The following THSD7B variants were observed in gnomAD, a reference collection of about 807,000 sequenced individuals.
THSD7B encodes the protein thrombospondin type-1 domain-containing protein 7B.
In THSD7B, 138 loss-of-function variants were observed where a neutral mutation model predicts 213.6. The ratio of observed to expected loss-of-function variants is 0.65; its 90% CI spans 0.56 to 0.74. The LOEUF (loss-of-function observed/expected upper bound fraction) is 0.74. Ranked by LOEUF, THSD7B falls within the 30% of genes least tolerant of loss-of-function variation. The pLI is 0.00. For synonymous variants in THSD7B, 742 were observed against 687.0 expected, an observed-to-expected ratio of 1.08 and a Z score of -1.25; for missense variants, 1,931 against 1,991.5, an observed-to-expected ratio of 0.97 and a Z score of 0.58.
intron 7 of THSD7B, among the ~76,000 whole-genome samples, chr2:137,223,891 G>C (rs1277699173): frequency 3.3e-5 from 5 of 152,080 alleles, no homozygotes; most frequent in Non-Finnish European, 7.4e-5. Context: ...AAAGTGTGCA[G>C]TATCCTCCCA....
At chr2:137,309,145 T>G (rs1683827542) in intron 12 of THSD7B, among the ~76,000 whole-genome samples, 1 of 152,054 alleles carries the variant, frequency 6.6e-6, no homozygotes, top group Admixed American at 6.5e-5. Flanking sequence ...CTTCATTCCT[T>G]TAGCTAATGC....
chr2:137,004,296 T>TACAC (rs34674642), intron 2 of THSD7B, among the ~76,000 whole-genome samples: 13,050 of 131,322 alleles, frequency 0.099, 879 homozygotes, highest in Non-Finnish European at 0.14. Context: ...TGTGCACACG[T>TACAC]ACACACACAC....
rs567922764 is a variant in THSD7B, at chr2:137,487,039, C to T, written c.3138+36016C>T. Among the ~76,000 whole-genome samples the T allele has an allele frequency of 4.0e-5, 6 of 150,996 alleles. No individual in the cohort carries two copies. In the East Asian group the frequency reaches 5.9e-4, roughly 15 times the overall value. ...AGCACTGAATGCCCACAAGAGAAAGCAGAAAAGATCCAAAATTGACACCCT... is the reference window on the plus strand; with the variant it reads ...AGCACTGAATGCCCACAAGAGAAAGTAGAAAAGATCCAAAATTGACACCCT... On this transcript the variant is annotated intron_variant, in intron 15 of 27. Coordinates refer to ENST00000409968, the MANE Select transcript of THSD7B (RefSeq NM_001316349.2).
chr2:137,415,702 C>T (rs1160176374), intron 14 of THSD7B, among the ~76,000 whole-genome samples: 17 of 68,498 alleles, frequency 2.5e-4, no homozygotes, highest in Non-Finnish European at 4.8e-4. Context: ...AAGAACAGGA[C>T]AAAAAAGTAC....
intron 7 of THSD7B, among the ~76,000 whole-genome samples, chr2:137,171,413 T>A (rs1181107179): frequency 2.6e-5 from 4 of 152,218 alleles, no homozygotes; most frequent in Admixed American, 2.6e-4. Context: ...GAATCAGCTA[T>A]AGACACAATA....
chr2:137,257,812 C>G (rs769860144), intron 10 of THSD7B, among the ~76,000 whole-genome samples: 11 of 152,078 alleles, frequency 7.2e-5, no homozygotes, highest in Non-Finnish European at 1.5e-4. Context: ...GAAATAGGAC[C>G]AGGGAGAGGT....
intron 12 of THSD7B, among the ~76,000 whole-genome samples, chr2:137,278,730 A>C (rs1682930368): frequency 6.6e-6 from 1 of 152,138 alleles, no homozygotes; most frequent in African/African-American, 2.4e-5. Flanking sequence ...ATGTCTTAAC[A>C]TTAACAATAG....
intron 12 of THSD7B, among the ~76,000 whole-genome samples, chr2:137,317,554 A>G (rs1023994897): frequency 5.9e-5 from 9 of 152,232 alleles, no homozygotes; most frequent in Admixed American, 1.3e-4. Context: ...AATTTCTCAG[A>G]TAGTTTCAAC....
rs73958370 is a variant in THSD7B at position 137,133,477 on chromosome 2, C to T, written c.1369+18184C>T. ...ATAGTGGTTCTCATATTTCAATGAG[C>T]ATGTAAATTACCCAGGGATTTTTTT... On this transcript the variant is annotated intron_variant, in intron 5 of 27. Coordinates refer to ENST00000409968, the MANE Select transcript of THSD7B (RefSeq NM_001316349.2). Among the ~76,000 whole-genome samples, 637 of 152,210 alleles carry T rather than the reference C, an allele frequency of 4.2e-3. 3 individuals carry two copies. Among genetic ancestry groups the T allele is most frequent in the African/African-American group, 0.015 (611 of 41,530 alleles).
intron 7 of THSD7B, among the ~76,000 whole-genome samples, chr2:137,188,840 G>C (rs537336104): frequency 6.6e-6 from 1 of 152,210 alleles, no homozygotes; most frequent in Admixed American, 6.5e-5. Context: ...ATGGATATTA[G>C]CCATACCAGG....
At chr2:137,069,016 T>C (rs1475960013) in intron 3 of THSD7B, among the ~76,000 whole-genome samples, 2 of 152,058 alleles carry the variant, frequency 1.3e-5, no homozygotes, top group Non-Finnish European at 2.9e-5. Context: ...TTTTCACAGT[T>C]ATATTTGCAA....
intron 2 of THSD7B, among the ~76,000 whole-genome samples, chr2:136,982,750 A>G (rs994690123): frequency 6.6e-6 from 1 of 152,154 alleles, no homozygotes; most frequent in Non-Finnish European, 1.5e-5. Context: ...CTTGGGCTGG[A>G]TACATGGTTC....
intron 5 of THSD7B, among the ~76,000 whole-genome samples, chr2:137,127,679 G>A (rs1315964128): frequency 6.6e-6 from 1 of 152,142 alleles, no homozygotes; most frequent in Non-Finnish European, 1.5e-5. Context: ...CACTTTGATA[G>A]GCTGAGGTGG....
intron 2 of THSD7B, among the ~76,000 whole-genome samples, chr2:136,905,487 T>C (rs1684144223): frequency 6.6e-6 from 1 of 152,236 alleles, no homozygotes; most frequent in South Asian, 2.1e-4. Flanking sequence ...ATAATAGCTA[T>C]GTATACTAAA....
intron 20 of THSD7B, among the ~76,000 whole-genome samples, chr2:137,636,170 C>T (rs1018970616): frequency 5.9e-5 from 9 of 152,168 alleles, no homozygotes; most frequent in African/African-American, 2.2e-4. Flanking sequence ...ACATCATTTA[C>T]AGAACCTTTG....
chr2:137,370,732 A>G (rs933675563), intron 12 of THSD7B, among the ~76,000 whole-genome samples: 1 of 151,986 alleles, frequency 6.6e-6, no homozygotes, highest in African/African-American at 2.4e-5. Context: ...GCCTCCCAAA[A>G]TGCTGGAATT....
At chr2:136,952,511 A>G (rs138337368) in intron 2 of THSD7B, among the ~76,000 whole-genome samples, 31 of 150,732 alleles carry the variant, frequency 2.1e-4, no homozygotes, top group African/African-American at 7.1e-4. Flanking sequence ...TTTAATCTCA[A>G]ACTCGCTCAG....
At chr2:137,040,795 C>G (rs1686869530) in intron 2 of THSD7B, among the ~76,000 whole-genome samples, 1 of 152,088 alleles carries the variant, frequency 6.6e-6, no homozygotes, top group South Asian at 2.1e-4. Flanking sequence ...TCTTACTGAG[C>G]CTACATCTGT....
intron 12 of THSD7B, among the ~76,000 whole-genome samples, chr2:137,373,821 A>T (rs919461436): frequency 6.6e-6 from 1 of 152,036 alleles, no homozygotes; most frequent in Non-Finnish European, 1.5e-5. Context: ...CTAGGGTTTT[A>T]ATGGTTTTAG....
Sources: allele counts gnomAD v4.1 joint callset (sites outside exome capture counted in the v4.1 genomes callset), GRCh38; gene constraint gnomAD v4.1.1; transcripts MANE v1.5; gene names NCBI Gene and HGNC (gene_info 2026-07-23, HGNC 2026-07-21).